CPNE4: variants seen among roughly 807,000 people sequenced by gnomAD.
CPNE4 encodes copine-4.
Under a neutral mutation model 67.9 loss-of-function variants are expected in CPNE4, and 25 were observed. That is an observed-to-expected ratio of 0.37 (90% CI 0.27 to 0.51). The LOEUF (loss-of-function observed/expected upper bound fraction) is 0.51, where lower values mean the gene tolerates loss of function less well. CPNE4 is among the 20% of genes least tolerant of loss of function. The pLI, the probability that CPNE4 is intolerant of heterozygous loss-of-function variation, is 0.93. For synonymous variants in CPNE4, 242 were observed against 244.9 expected (o/e 0.99, Z 0.11); for missense variants, 464 against 690.8 (o/e 0.67, Z 3.68).
chr3:131,983,410 T>C (rs963260123), intron 1 of CPNE4, among the ~76,000 whole-genome samples: 1 of 152,162 alleles, frequency 6.6e-6, no homozygotes, highest in African/African-American at 2.4e-5. Flanking sequence ...AATTCCTTGC[T>C]ACGACGTGGA....
chr3:131,991,529 G>A (rs2073173995), intron 1 of CPNE4, among the ~76,000 whole-genome samples: 1 of 135,978 alleles, frequency 7.4e-6, no homozygotes, highest in African/African-American at 2.5e-5. Flanking sequence ...GAAATGATTA[G>A]GATATCTAGT....
At position 131,894,244 on chromosome 3, in the gene CPNE4, C is replaced by T. The variant is rs550750375; in HGVS notation, c.180+11020G>A. Among the ~76,000 whole-genome samples the T allele has an allele frequency of 7.2e-5, 11 of 151,870 alleles. No homozygotes were observed. The South Asian group carries it at 2.3e-3, about 32-fold the overall frequency. ...TAAAAAGACATTTATCAAAGAAAAGCTCAGGACCTGATGGCCTTACTGCTG... is the reference window on the plus strand; with the variant it reads ...TAAAAAGACATTTATCAAAGAAAAGTTCAGGACCTGATGGCCTTACTGCTG... On this transcript the variant is annotated intron_variant, in intron 2 of 15. Transcript: ENST00000429747.
At chr3:132,022,076 G>C (rs948152254) in intron 1 of CPNE4, among the ~76,000 whole-genome samples, 1 of 152,178 alleles carries the variant, frequency 6.6e-6, no homozygotes, top group Non-Finnish European at 1.5e-5. Flanking sequence ...GCTGAAGACA[G>C]CAAGTCTATT....
Position 131,813,300 on chromosome 3 carries a change from TGAAAA to T in CPNE4, c.181-89680_181-89676del, listed in dbSNP as rs533020123. 1.4e-3 allele frequency among the ~76,000 whole-genome samples: 213 copies of T among 151,250 alleles called. 1 individual carries two copies. Among genetic ancestry groups the T allele is most frequent in the African/African-American group, 5.0e-3 (206 of 41,396 alleles). On this transcript the variant is annotated intron_variant, in intron 2 of 15. Transcript: ENST00000429747. ...AATATGTTTCCATAGTGATAAAGAT[TGAAAA>T]GAAAAGAGGGAAATGAGAGTAGTTG...
At chr3:132,017,010 G>A (rs569309167) in intron 1 of CPNE4, among the ~76,000 whole-genome samples, 38 of 151,736 alleles carry the variant, frequency 2.5e-4, no homozygotes, top group Non-Finnish European at 3.7e-4. Flanking sequence ...TATGCTAGCC[G>A]ATCACATGAC....
chr3:131,590,337 C>T (rs1217669651), intron 7 of CPNE4, among the ~76,000 whole-genome samples: 1 of 152,144 alleles, frequency 6.6e-6, no homozygotes, highest in Non-Finnish European at 1.5e-5. Flanking sequence ...AGGGGTGGAA[C>T]TCTACAGAAA....
chr3:131,979,566 G>A (rs968320339), intron 1 of CPNE4, among the ~76,000 whole-genome samples: 1 of 152,070 alleles, frequency 6.6e-6, no homozygotes, highest in Non-Finnish European at 1.5e-5. Context: ...TTAAACTTAT[G>A]TGAGGCCTTA....
intron 10 of CPNE4, among the ~76,000 whole-genome samples, chr3:131,569,735 C>T (rs1399561733): frequency 1.3e-5 from 2 of 150,762 alleles, no homozygotes; most frequent in South Asian, 4.2e-4. Context: ...CCTGAGAGAA[C>T]CTTTAATGAG....
intron 12 of CPNE4, among the ~76,000 whole-genome samples, chr3:131,555,221 T>A (rs913437534): frequency 1.3e-5 from 2 of 151,988 alleles, no homozygotes; most frequent in African/African-American, 4.8e-5. Context: ...TTCTTGAGTG[T>A]TTTCTCAGAC....
chr3:131,542,054 A>G (rs987803523), intron 15 of CPNE4, among the ~76,000 whole-genome samples: 2 of 152,104 alleles, frequency 1.3e-5, no homozygotes, highest in Non-Finnish European at 2.9e-5. Flanking sequence ...TATTTTTTAT[A>G]GAGGATTTAG....
intron 2 of CPNE4, among the ~76,000 whole-genome samples, chr3:131,833,735 T>C (rs2085460706): frequency 6.6e-6 from 1 of 152,154 alleles, no homozygotes; most frequent in Non-Finnish European, 1.5e-5. Flanking sequence ...ACTGACTTGC[T>C]CAAGGACAAT....
Position 131,903,971 on chromosome 3 carries a change from G to A in CPNE4, c.180+1293C>T, listed in dbSNP as rs187138009. Among the ~76,000 whole-genome samples the A allele has an allele frequency of 7.3e-4, 111 of 152,130 alleles. 1 individual carries two copies. Among genetic ancestry groups the A allele is most frequent in the African/African-American group, 2.6e-3 (109 of 41,530 alleles). On this transcript the variant is annotated intron_variant, in intron 2 of 15. Transcript: ENST00000429747. ...GTCCGTGATCAGTTAGAGTCTAGCA[G>A]GCACAAAAATGAATAAATCCTTCCC... is the stretch of plus-strand genomic sequence containing the variant.
intron 2 of CPNE4, among the ~76,000 whole-genome samples, chr3:131,799,919 TTGTGTGTGTGTGTGTGTG>T (rs3070292): frequency 1.1e-4 from 16 of 145,582 alleles, no homozygotes; most frequent in Non-Finnish European, 1.7e-4. Context: ...TGTGTGTGTG[TTGTGTGTGTGTGTGTGTG>T]TGTGTGTGTG....
chr3:131,929,992 A>G lies in CPNE4; in HGVS notation c.-1-24548T>C, dbSNP rs116552183. ...GGTCCTCTTGTCTGCAAGTGCTATT[A>G]CAAATGTACTGTGGAGATTTTACAA... is the stretch of plus-strand genomic sequence containing the variant. On this transcript the variant is annotated intron_variant, in intron 1 of 15. Transcript: ENST00000429747. Among the ~76,000 whole-genome samples the G allele has an allele frequency of 5.5e-3, 840 of 152,308 alleles. 3 individuals are homozygous for G. Among genetic ancestry groups the G allele is most frequent in the Non-Finnish European group, 8.7e-3 (590 of 68,018 alleles).
chr3:131,812,099 G>C (rs1417738545), intron 2 of CPNE4, among the ~76,000 whole-genome samples: 2 of 151,746 alleles, frequency 1.3e-5, no homozygotes, highest in African/African-American at 4.8e-5. Flanking sequence ...GAACAAATTA[G>C]AGAATTTTAC....
chr3:131,855,084 T>G (rs1192706503), intron 2 of CPNE4, among the ~76,000 whole-genome samples: 1 of 151,904 alleles, frequency 6.6e-6, no homozygotes, highest in Non-Finnish European at 1.5e-5. Context: ...TAGCTTTTGT[T>G]TTAGGTCAGT....
At chr3:131,796,384 C>T (rs764692553) in intron 2 of CPNE4, among the ~76,000 whole-genome samples, 17 of 152,228 alleles carry the variant, frequency 1.1e-4, no homozygotes, top group East Asian at 1.9e-4. Flanking sequence ...GGTGTCTCAT[C>T]CCCTGGAGTT....
At chr3:131,738,840 G>GTCTTTT in intron 2 of CPNE4, among the ~76,000 whole-genome samples, 1 of 144,208 alleles carries the variant, frequency 6.9e-6, no homozygotes, top group African/African-American at 2.5e-5. Context: ...TATTCATCAT[G>GTCTTTT]TCTTTTTCTT....
In CPNE4 at chr3:131,723,556, A is replaced by G. The variant is rs1170372503; in HGVS notation, c.250T>C (p.Tyr84His). The G allele has an allele frequency of 6.2e-7, 1 of 1,614,030 alleles. No individual in the cohort carries two copies. The highest frequency in any genetic ancestry group is 8.5e-7 in the Non-Finnish European group (1 of 1,180,008). Reference protein sequence around the residue: ...VYSKLFTVDFYFEEVQRLRFE... With the variant: ...VYSKLFTVDFHFEEVQRLRFE... ...CGCAGGCGCTGCACCTCCTCAAAGT[A>G]AAAGTCCACAGTAAACAGTTTTGAG... The change falls in exon 3 of 16, where the codon TAC becomes CAC. Residue 84 changes from tyrosine (Y) to histidine (H), a missense_variant. Transcript: ENST00000429747.
Sources: allele counts gnomAD v4.1 joint callset (sites outside exome capture counted in the v4.1 genomes callset), GRCh38; gene constraint gnomAD v4.1.1; transcripts MANE v1.5; gene names NCBI Gene and HGNC (gene_info 2026-07-23, HGNC 2026-07-21).